Variants in NALCN observed in about 807,000 individuals in gnomAD.
NALCN encodes sodium leak channel, non-selective.
NALCN carries 111 observed loss-of-function variants against 225.3 expected under a neutral mutation model. The ratio of observed to expected loss-of-function variants is 0.49; its 90% CI spans 0.42 to 0.58. The LOEUF is 0.58. Among genes scored for constraint, NALCN ranks in the 20% least tolerant of loss-of-function variants. The probability of loss-of-function intolerance (pLI) is 0.00; values close to 1 mark genes in which losing one functional copy is unlikely to be tolerated. For synonymous variants in NALCN, 764 were observed against 769.0 expected (o/e 0.99, Z 0.11); for missense variants, 1,378 against 2,202.4 (o/e 0.63, Z 7.49).
In NALCN at chr13:101,062,100, G is replaced by A. The variant is rs138902474; in HGVS notation, c.4623C>T (p.Ser1541=). ...GCTGCAAGCTCTTCCGGATGTCCACGGACCGGTATGAAAGCATGCTGGTGG... is the reference window on the plus strand; with the variant it reads ...GCTGCAAGCTCTTCCGGATGTCCACAGACCGGTATGAAAGCATGCTGGTGG... The part of the protein sequence containing the change: ...HDVLSMLSYR[S]VDIRKSLQLE... The change falls in exon 41 of 44, where the codon TCC becomes TCT. Residue 1541 remains serine (S), a synonymous_variant. Transcript: ENST00000251127. 22 of 1,614,006 alleles carry A rather than the reference G, an allele frequency of 1.4e-5. No homozygotes were observed. Among genetic ancestry groups the A allele is most frequent in the African/African-American group, 6.7e-5 (5 of 75,004 alleles).
chr13:101,171,540 C>T (rs1213988639), intron 15 of NALCN, among the ~76,000 whole-genome samples: 1 of 152,066 alleles, frequency 6.6e-6, no homozygotes, highest in East Asian at 1.9e-4. Flanking sequence ...TAAATGATGG[C>T]AGCTATGAAA....
chr13:101,167,707 G>A (rs1160956297), intron 15 of NALCN, among the ~76,000 whole-genome samples: 1 of 88,978 alleles, frequency 1.1e-5, no homozygotes, highest in Non-Finnish European at 3.2e-5. Flanking sequence ...ATTTGGTGGT[G>A]CATGCCTGTA....
intron 13 of NALCN, among the ~76,000 whole-genome samples, chr13:101,214,190 C>T: frequency 6.6e-6 from 1 of 151,278 alleles, no homozygotes; most frequent in Non-Finnish European, 1.5e-5. Flanking sequence ...CAAACTATCG[C>T]AAGGACAGAA....
Position 101,387,244 on chromosome 13 carries a change from A to AT in NALCN, c.291+7938_291+7939insA, listed in dbSNP as rs1257695225. ...CTCCGTCTCAAAAAAAAAAAAAAAAAAAAAAAAAAACAGGTTAGCATTTCG... is the reference window on the plus strand; with the variant it reads ...CTCCGTCTCAAAAAAAAAAAAAAAAATAAAAAAAAAACAGGTTAGCATTTCG... On this transcript the variant is annotated intron_variant, in intron 3 of 43. Transcript: ENST00000251127. Among the ~76,000 whole-genome samples, 113 of 150,184 alleles carry AT rather than the reference A, an allele frequency of 7.5e-4. 3 individuals are homozygous for AT. The highest frequency in any genetic ancestry group is 2.5e-3 in the African/African-American group (104 of 40,794).
At chr13:101,244,367 G>A (rs2041831916) in intron 11 of NALCN, among the ~76,000 whole-genome samples, 1 of 152,088 alleles carries the variant, frequency 6.6e-6, no homozygotes, top group Admixed American at 6.6e-5. Flanking sequence ...AAAATATGCA[G>A]CTGGATCTGT....
At chr13:101,093,947 C>T (rs948709140) in intron 28 of NALCN, among the ~76,000 whole-genome samples, 2 of 152,058 alleles carry the variant, frequency 1.3e-5, no homozygotes, top group Admixed American at 1.3e-4. Context: ...GGTGGGATGT[C>T]GTTGAAAGGA....
chr13:101,279,828 AAATAAATAAAATAAAT>A (rs1483945654), intron 10 of NALCN, among the ~76,000 whole-genome samples: 1 of 55,272 alleles, frequency 1.8e-5, no homozygotes, highest in African/African-American at 5.5e-5. Flanking sequence ...AAAAATAAAT[AAATAAATAAAATAAAT>A]AAATAAATAA....
chr13:101,354,344 A>G (rs888963801), intron 6 of NALCN, among the ~76,000 whole-genome samples: 2 of 152,178 alleles, frequency 1.3e-5, no homozygotes, highest in African/African-American at 4.8e-5. Flanking sequence ...TTCCACCTCA[A>G]AAAGAAAAGA....
chr13:101,246,240 G>A (rs1030655358), intron 11 of NALCN, among the ~76,000 whole-genome samples: 1 of 152,120 alleles, frequency 6.6e-6, no homozygotes, highest in Non-Finnish European at 1.5e-5. Context: ...AGATAAAATG[G>A]TAGAGATGGA....
At chr13:101,407,520 C>T (rs9518384) in intron 1 of NALCN, among the ~76,000 whole-genome samples, 59,741 of 152,078 alleles carry the variant, frequency 0.39, 11,960 homozygotes, top group East Asian at 0.58. Flanking sequence ...CAAGCTTAGA[C>T]ATTATGTACT....
At chr13:101,083,310 A>C in intron 31 of NALCN, 112 bp from the exon 32 acceptor site, 4 of 887,360 alleles carry the variant, frequency 4.5e-6, no homozygotes, top group Non-Finnish European at 6.9e-6. Context: ...TTCTCCCCAA[A>C]CAGTTCCGTC....
chr13:101,059,970 A>T lies in NALCN; in HGVS notation c.4756-3T>A. On this transcript the variant is annotated splice_polypyrimidine_tract_variant and splice_region_variant and intron_variant, in intron 41 of 43. Transcript: ENST00000251127. Reference sequence around the variant, plus strand: ...ATACTGCACGACTGCTGCTGTTTCTATGGAAATGCGATTGTTTGTTCAGTA... The same window carrying T: ...ATACTGCACGACTGCTGCTGTTTCTTTGGAAATGCGATTGTTTGTTCAGTA... 1 of 1,613,696 alleles carries T rather than the reference A, an allele frequency of 6.2e-7. No homozygotes were observed. Among genetic ancestry groups the T allele is most frequent in the South Asian group, 1.1e-5 (1 of 91,072 alleles).
At chr13:101,062,251 G>C (rs944049625) in intron 40 of NALCN, 133 bp from the exon 41 acceptor site, 1 of 981,842 alleles carries the variant, frequency 1.0e-6, no homozygotes, top group East Asian at 2.7e-5. Context: ...CTCGCCACCC[G>C]CATGTCTTGG....
chr13:101,314,750 G>A (rs1231685180), intron 7 of NALCN, among the ~76,000 whole-genome samples: 2 of 152,110 alleles, frequency 1.3e-5, no homozygotes, highest in Non-Finnish European at 2.9e-5. Flanking sequence ...CCACTAATAA[G>A]GCTTTGATTC....
intron 3 of NALCN, among the ~76,000 whole-genome samples, chr13:101,382,663 G>A (rs1477143982): frequency 6.6e-6 from 1 of 152,084 alleles, no homozygotes; most frequent in Non-Finnish European, 1.5e-5. Flanking sequence ...AGAAGCACCA[G>A]TGGTGATCAG....
intron 7 of NALCN, among the ~76,000 whole-genome samples, chr13:101,344,650 C>T (rs1043730377): frequency 6.6e-6 from 1 of 152,146 alleles, no homozygotes; most frequent in African/African-American, 2.4e-5. Flanking sequence ...AACTAAATGG[C>T]AGATGCTAAA....
chr13:101,298,526 T>C (rs1566546736), intron 7 of NALCN, among the ~76,000 whole-genome samples: 1 of 152,204 alleles, frequency 6.6e-6, no homozygotes, highest in Non-Finnish European at 1.5e-5. Context: ...TTCGTCATGT[T>C]GGCCAGGCTG....
intron 15 of NALCN, among the ~76,000 whole-genome samples, chr13:101,154,005 T>C (rs999003790): frequency 6.6e-6 from 1 of 152,214 alleles, no homozygotes; most frequent in African/African-American, 2.4e-5. Flanking sequence ...AATACACTTA[T>C]TTAACTCTTA....
intron 18 of NALCN, chr13:101,116,601 A>G (rs1053358571): frequency 5.9e-6 from 3 of 506,026 alleles, no homozygotes; most frequent in Admixed American, 4.1e-5. Context: ...TTCTGTAATG[A>G]AAGGGAGAGG....
Sources: allele counts gnomAD v4.1 joint callset (sites outside exome capture counted in the v4.1 genomes callset), GRCh38; gene constraint gnomAD v4.1.1; transcripts MANE v1.5; gene names NCBI Gene and HGNC (gene_info 2026-07-23, HGNC 2026-07-21).